Variants in NIPSNAP2 observed in about 807,000 individuals in gnomAD.
NIPSNAP2 encodes protein NipSnap homolog 2.
Under a neutral mutation model 48.4 loss-of-function variants are expected in NIPSNAP2, and 42 were observed. The ratio of observed to expected loss-of-function variants is 0.87; its 90% confidence interval spans 0.68 to 1.12. The LOEUF (loss-of-function observed/expected upper bound fraction) is 1.12, where lower values mean the gene tolerates loss of function less well. NIPSNAP2 is among the 50% of genes most tolerant of loss of function. The probability of loss-of-function intolerance (pLI) is 0.00; values close to 1 mark genes in which losing one functional copy is unlikely to be tolerated. For missense variants in NIPSNAP2, 314 were observed against 347.3 expected (o/e 0.90, Z 0.76); for synonymous variants, 158 against 126.6 (o/e 1.25, Z -1.67).
At chr7:55,966,615 C>A (rs1002568108) in intron 1 of NIPSNAP2, among the ~76,000 whole-genome samples, 1 of 152,010 alleles carries the variant, frequency 6.6e-6, no homozygotes, top group African/African-American at 2.4e-5. Flanking sequence ...AAACACATCT[C>A]TACAAAAAAT....
intron 6 of NIPSNAP2, among the ~76,000 whole-genome samples, chr7:55,984,070 CTTA>C (rs1375639922): frequency 3.3e-5 from 5 of 151,956 alleles, no homozygotes; most frequent in Admixed American, 6.6e-5. Context: ...ACACATAATG[CTTA>C]TTATTTGATA....
intron 1 of NIPSNAP2, among the ~76,000 whole-genome samples, chr7:55,973,952 C>G (rs972946627): frequency 3.3e-5 from 5 of 152,078 alleles, no homozygotes; most frequent in Admixed American, 6.6e-5. Context: ...AGGCTGAGTG[C>G]GGCAGCTCAC....
At chr7:55,977,491 G>T (rs2116343434) in intron 1 of NIPSNAP2, among the ~76,000 whole-genome samples, 2 of 151,974 alleles carry the variant, frequency 1.3e-5, no homozygotes, top group African/African-American at 4.8e-5. Context: ...TATTTTTATT[G>T]TGGTAAAACA....
chr7:55,998,593 C>T (rs1199045748), intron 9 of NIPSNAP2, among the ~76,000 whole-genome samples: 5 of 150,648 alleles, frequency 3.3e-5, no homozygotes, highest in South Asian at 4.2e-4. Flanking sequence ...CTCCGCCTCC[C>T]GGTTTCAAGC....
chr7:55,989,049 C>T lies in NIPSNAP2; in HGVS notation c.617+4171C>T, dbSNP rs555835986. On this transcript the variant is annotated intron_variant, in intron 7 of 9. Coordinates refer to ENST00000322090, the MANE Select transcript of NIPSNAP2 (RefSeq NM_001483.3). Reference sequence around the variant, plus strand: ...TAGAAAGCAAACATCCATGTAAACACTTAAGTGACCATAGCAGCATGTTTT... The same window carrying T: ...TAGAAAGCAAACATCCATGTAAACATTTAAGTGACCATAGCAGCATGTTTT... Among the ~76,000 whole-genome samples, 30 of 152,214 alleles carry T rather than the reference C, an allele frequency of 2.0e-4. No homozygotes were observed. In the South Asian group the frequency reaches 6.0e-3, roughly 30 times the overall value.
intron 8 of NIPSNAP2, among the ~76,000 whole-genome samples, chr7:55,995,522 C>T (rs1335676513): frequency 1.3e-5 from 2 of 152,196 alleles, no homozygotes; most frequent in South Asian, 4.1e-4. Flanking sequence ...TGAACATCAT[C>T]ACTCCTCCTG....
At chr7:55,978,537 C>T (rs546784076) in intron 3 of NIPSNAP2, 142 bp downstream of exon 3, 1 of 774,564 alleles carries the variant, frequency 1.3e-6, no homozygotes, top group African/African-American at 1.8e-5. Flanking sequence ...TTAAACTGAG[C>T]TTCATGTGGG....
intron 9 of NIPSNAP2, among the ~76,000 whole-genome samples, chr7:55,998,399 C>T (rs1008260263): frequency 6.6e-6 from 1 of 150,864 alleles, no homozygotes. Context: ...TTTGATTTTG[C>T]TGCTTACGCG....
chr7:55,968,168 C>T (rs1786937578), intron 1 of NIPSNAP2, among the ~76,000 whole-genome samples: 1 of 152,026 alleles, frequency 6.6e-6, no homozygotes, highest in Non-Finnish European at 1.5e-5. Flanking sequence ...GTTCCTAATC[C>T]CTCCTCCCTG....
intron 1 of NIPSNAP2, among the ~76,000 whole-genome samples, chr7:55,970,069 C>G (rs1277316945): frequency 6.6e-6 from 1 of 151,842 alleles, no homozygotes; most frequent in Non-Finnish European, 1.5e-5. Flanking sequence ...TAAGTCCTTT[C>G]CCTTCTTCAG....
chr7:55,986,072 T>TA (rs1787325734), intron 7 of NIPSNAP2, among the ~76,000 whole-genome samples: 2 of 151,404 alleles, frequency 1.3e-5, no homozygotes, highest in African/African-American at 4.9e-5. Context: ...AAAATAAAAA[T>TA]AAAGACTGGG....
intron 8 of NIPSNAP2, among the ~76,000 whole-genome samples, chr7:55,996,084 T>C (rs1477724258): frequency 6.6e-6 from 1 of 152,020 alleles, no homozygotes; most frequent in Non-Finnish European, 1.5e-5. Flanking sequence ...GGTCAGGAGT[T>C]AAGAGACCAG....
intron 1 of NIPSNAP2, among the ~76,000 whole-genome samples, chr7:55,977,047 G>A (rs915045536): frequency 1.3e-5 from 2 of 151,910 alleles, no homozygotes; most frequent in Non-Finnish European, 2.9e-5. Context: ...TGAGGTTTGT[G>A]GGGGCAGTTA....
intron 7 of NIPSNAP2, among the ~76,000 whole-genome samples, chr7:55,986,387 G>A (rs1301861377): frequency 2.0e-5 from 3 of 151,754 alleles, no homozygotes; most frequent in East Asian, 1.9e-4. Context: ...TTAGGGCGGG[G>A]ATGGTGGCTC....
At position 55,999,722 on chromosome 7, in the gene NIPSNAP2, A is replaced by C. The variant is rs532222151; in HGVS notation, c.*650A>C. ...TGTGAGACACAAAAACAATGGCTTG[A>C]AACTTGTGTATCATATGTGATTTTG... On this transcript the variant is annotated 3_prime_UTR_variant, in exon 10 of 10. Transcript: ENST00000322090. 6.6e-6 allele frequency: 1 copy of C among 152,432 alleles called. No homozygotes were observed. The highest frequency in any genetic ancestry group is 2.4e-5 in the African/African-American group (1 of 41,582). The allele number at this position is 152,432 out of a possible 1,614,324, so 9.4% of individuals were successfully genotyped here. A position where few individuals can be genotyped will look rare whatever the true frequency, so the allele number is the denominator to read the frequency against.
intron 1 of NIPSNAP2, among the ~76,000 whole-genome samples, chr7:55,965,703 C>G (rs1786879563): frequency 6.6e-6 from 1 of 152,116 alleles, no homozygotes; most frequent in Non-Finnish European, 1.5e-5. Flanking sequence ...GCCTCATCCT[C>G]CCAAGTAGCT....
intron 1 of NIPSNAP2, among the ~76,000 whole-genome samples, chr7:55,973,859 C>T (rs1248980216): frequency 6.6e-6 from 1 of 152,100 alleles, no homozygotes; most frequent in African/African-American, 2.4e-5. Flanking sequence ...AGACAATATC[C>T]TATGAATTGG....
At chr7:55,974,123 G>GC (rs1204333868) in intron 1 of NIPSNAP2, among the ~76,000 whole-genome samples, 1 of 152,050 alleles carries the variant, frequency 6.6e-6, no homozygotes, top group Non-Finnish European at 1.5e-5. Flanking sequence ...TAGTCAGGAG[G>GC]CTGAGGTGGG....
In NIPSNAP2 at chr7:55,981,557, G is replaced by A. The variant is rs772840317; in HGVS notation, c.363G>A (p.Gln121=). 5.6e-6 allele frequency: 9 copies of A among 1,612,660 alleles called. No homozygotes were observed. Among genetic ancestry groups the A allele is most frequent in the African/African-American group, 4.0e-5 (3 of 74,868 alleles). The stretch of plus-strand genomic sequence containing the variant: ...CTTGGAACACGTGGTATGGCGAGCA[G>A]GACCAAGCTGGTAGGAAGCGAAGTC... ...VGTWNTWYGE[Q]DQAVHLWRYE... Residue 121 remains glutamine (Q), a synonymous_variant, in exon 4 of 10, where the codon CAG becomes CAA. Transcript: ENST00000322090.
Sources: allele counts gnomAD v4.1 joint callset (sites outside exome capture counted in the v4.1 genomes callset), GRCh38; gene constraint gnomAD v4.1.1; transcripts MANE v1.5; gene names NCBI Gene and HGNC (gene_info 2026-07-23, HGNC 2026-07-21).